The following SLC35F4 variants were observed in gnomAD, a reference collection of about 807,000 sequenced individuals.
SLC35F4 encodes the protein solute carrier family 35 member F4.
In SLC35F4, 24 loss-of-function variants were observed where a neutral mutation model predicts 44.2. The observed-to-expected ratio is 0.54, with a 90% CI of 0.39 to 0.76. The LOEUF is 0.76. SLC35F4 is among the 30% of genes least tolerant of loss of function. The pLI, the probability that SLC35F4 is intolerant of heterozygous loss-of-function variation, is 0.00. For synonymous variants in SLC35F4, 238 were observed against 223.6 expected, an observed-to-expected ratio of 1.06 and a Z score of -0.57; for missense variants, 562 against 586.1, an observed-to-expected ratio of 0.96 and a Z score of 0.42.
chr14:57,621,938 T>C (rs10144416), intron 1 of SLC35F4, among the ~76,000 whole-genome samples: 104,078 of 148,242 alleles, frequency 0.7, 37,471 homozygotes, highest in Middle Eastern at 0.79. Flanking sequence ...GGCTAATAAC[T>C]AGAATCTACA....
intron 1 of SLC35F4, among the ~76,000 whole-genome samples, chr14:57,843,616 G>T (rs1399343115): frequency 6.6e-6 from 1 of 152,108 alleles, no homozygotes; most frequent in Non-Finnish European, 1.5e-5. Flanking sequence ...GGTTTCCAGG[G>T]CAACTAAGAG....
At chr14:57,598,145 C>T (rs1038853770) in intron 1 of SLC35F4, among the ~76,000 whole-genome samples, 1 of 152,194 alleles carries the variant, frequency 6.6e-6, no homozygotes, top group African/African-American at 2.4e-5. Context: ...TCATCTTCTC[C>T]ATCTCTCGCT....
At chr14:57,743,122 A>T (rs559240146) in intron 1 of SLC35F4, among the ~76,000 whole-genome samples, 6 of 152,368 alleles carry the variant, frequency 3.9e-5, no homozygotes, top group African/African-American at 1.4e-4. Flanking sequence ...AGAAAGCAGC[A>T]AAGATATAAA....
At chr14:57,845,232 T>C (rs1340623638) in intron 1 of SLC35F4, among the ~76,000 whole-genome samples, 1 of 152,214 alleles carries the variant, frequency 6.6e-6, no homozygotes, top group South Asian at 2.1e-4. Flanking sequence ...TAGTGGAGTA[T>C]GGATTTGGGC....
intron 1 of SLC35F4, among the ~76,000 whole-genome samples, chr14:57,911,790 C>T (rs1461605470): frequency 6.6e-6 from 1 of 151,946 alleles, no homozygotes; most frequent in Non-Finnish European, 1.5e-5. Flanking sequence ...ATACTGGCTT[C>T]ACAGAATGAG....
intron 1 of SLC35F4, among the ~76,000 whole-genome samples, chr14:57,607,000 T>C (rs1429765038): frequency 6.6e-6 from 1 of 152,196 alleles, no homozygotes; most frequent in Non-Finnish European, 1.5e-5. Flanking sequence ...GCATGGTGCT[T>C]GCCCTCATTT....
intron 1 of SLC35F4, among the ~76,000 whole-genome samples, chr14:57,805,425 G>C (rs1881193327): frequency 6.6e-6 from 1 of 152,176 alleles, no homozygotes; most frequent in Non-Finnish European, 1.5e-5. Context: ...ATACACCATG[G>C]GATACTATGC....
At chr14:57,631,572 A>C (rs962408604) in intron 1 of SLC35F4, among the ~76,000 whole-genome samples, 1 of 152,054 alleles carries the variant, frequency 6.6e-6, no homozygotes, top group African/African-American at 2.4e-5. Flanking sequence ...GTTATGAGGG[A>C]GGTTTGCTTT....
intron 1 of SLC35F4, among the ~76,000 whole-genome samples, chr14:57,761,326 A>G (rs2077119658): frequency 6.6e-6 from 1 of 152,192 alleles, no homozygotes; most frequent in Non-Finnish European, 1.5e-5. Flanking sequence ...TTCTCTTGGC[A>G]GGGGAAACTG....
intron 1 of SLC35F4, among the ~76,000 whole-genome samples, chr14:57,645,265 C>T (rs912746023): frequency 6.6e-6 from 1 of 152,132 alleles, no homozygotes; most frequent in Non-Finnish European, 1.5e-5. Flanking sequence ...ATGGAATGTT[C>T]TTCCTTTTGT....
chr14:57,819,363 T>C (rs953955364), intron 1 of SLC35F4, among the ~76,000 whole-genome samples: 3 of 152,036 alleles, frequency 2.0e-5, no homozygotes, highest in African/African-American at 7.2e-5. Flanking sequence ...TGTTTAACAA[T>C]AAGGAGAATC....
At chr14:57,596,074 A>G (rs2070467775) in intron 1 of SLC35F4, 1 of 152,316 alleles carries the variant, frequency 6.6e-6, no homozygotes, top group Admixed American at 6.5e-5. Flanking sequence ...TTGTAACACA[A>G]AGAAATGATA....
chr14:57,584,863 T>G (rs2069576328), intron 3 of SLC35F4, among the ~76,000 whole-genome samples: 1 of 152,186 alleles, frequency 6.6e-6, no homozygotes, highest in African/African-American at 2.4e-5. Context: ...GTCTAAACCA[T>G]GGAAGCATTC....
intron 1 of SLC35F4, among the ~76,000 whole-genome samples, chr14:57,606,130 A>G (rs2071150280): frequency 1.3e-5 from 2 of 152,348 alleles, no homozygotes; most frequent in East Asian, 1.9e-4. Context: ...TTGAAAAAAG[A>G]AAAGTCTATG....
chr14:57,934,391 C>T (rs763190567), intron 1 of SLC35F4, among the ~76,000 whole-genome samples: 2 of 149,512 alleles, frequency 1.3e-5, no homozygotes, highest in African/African-American at 5.0e-5. Context: ...AGAATACCTC[C>T]GGAACATGAA....
intron 1 of SLC35F4, among the ~76,000 whole-genome samples, chr14:57,616,694 G>C (rs1949241748): frequency 6.6e-6 from 1 of 152,010 alleles, no homozygotes; most frequent in African/African-American, 2.4e-5. Context: ...CTCTTTTTCT[G>C]TCTATTCCCT....
chr14:57,700,480 A>G (rs2075505904), intron 1 of SLC35F4, among the ~76,000 whole-genome samples: 1 of 152,302 alleles, frequency 6.6e-6, no homozygotes, highest in East Asian at 1.9e-4. Flanking sequence ...CTCTACATTT[A>G]TATTTTAAAA....
intron 1 of SLC35F4, among the ~76,000 whole-genome samples, chr14:57,787,404 C>G (rs1181472766): frequency 6.6e-6 from 1 of 152,104 alleles, no homozygotes; most frequent in Non-Finnish European, 1.5e-5. Flanking sequence ...ACACAAGAAG[C>G]ACAAAGAACA....
chr14:57,629,921 C>T (rs943346319), intron 1 of SLC35F4: 11 of 477,666 alleles, frequency 2.3e-5, no homozygotes, highest in Admixed American at 6.2e-5. Flanking sequence ...CTACCAGTAT[C>T]GCTGAACACA....
Sources: gnomAD v4.1 joint callset for allele counts (sites outside exome capture counted in the v4.1 genomes callset) on GRCh38, gnomAD v4.1.1 for gene constraint, MANE v1.5 for transcripts, NCBI Gene and HGNC (gene_info 2026-07-23, HGNC 2026-07-21) for gene names.